Variants in SEPTIN9 observed in about 807,000 individuals in gnomAD.
SEPTIN9 encodes septin 9, also known as septin-9.
Under a neutral mutation model 56.6 loss-of-function variants are expected in SEPTIN9, and 13 were observed. The ratio of observed to expected loss-of-function variants is 0.23; its 90% CI spans 0.15 to 0.37. The LOEUF (loss-of-function observed/expected upper bound fraction) is 0.37. SEPTIN9 is among the 10% of genes least tolerant of loss of function. The pLI, the probability that SEPTIN9 is intolerant of heterozygous loss-of-function variation, is 1.00. For synonymous variants in SEPTIN9, 332 were observed against 334.1 expected (o/e 0.99, Z 0.07); for missense variants, 650 against 823.1 (o/e 0.79, Z 2.57).
rs1331084203 is a variant in SEPTIN9 at position 77,295,352 on chromosome 17, G to T, written c.20-11789G>T. On this transcript the variant is annotated intron_variant, in intron 1 of 11. Coordinates refer to ENST00000427177, the MANE Select transcript of SEPTIN9 (RefSeq NM_001113491.2). ...GTGGGGATGAGAGGGAGGAAGTCCT[G>T]TGACCAGAGTCCAGGGGCCAGAGTC... is the stretch of plus-strand genomic sequence containing the variant. 2.0e-5 allele frequency among the ~76,000 whole-genome samples: 3 copies of T among 152,238 alleles called. No homozygotes were observed. In the East Asian group the frequency reaches 5.8e-4, roughly 29 times the overall value.
intron 3 of SEPTIN9, among the ~76,000 whole-genome samples, chr17:77,439,737 C>T (rs2037477283): frequency 6.6e-6 from 1 of 152,212 alleles, no homozygotes; most frequent in Non-Finnish European, 1.5e-5. Flanking sequence ...GTGAGTTGCT[C>T]CCCTCCTTTC....
intron 3 of SEPTIN9, among the ~76,000 whole-genome samples, chr17:77,413,345 G>T (rs2036372340): frequency 6.6e-6 from 1 of 152,006 alleles, no homozygotes; most frequent in South Asian, 2.1e-4. Flanking sequence ...TGTGAGTTTG[G>T]GAGTTTTTCT....
At chr17:77,365,498 G>A (rs1195077423) in intron 2 of SEPTIN9, among the ~76,000 whole-genome samples, 1 of 151,940 alleles carries the variant, frequency 6.6e-6, no homozygotes, top group Non-Finnish European at 1.5e-5. Flanking sequence ...TAGAATGAAT[G>A]GCATAGGTAG....
At chr17:77,478,414 C>T (rs2039310781) in intron 3 of SEPTIN9, among the ~76,000 whole-genome samples, 1 of 152,168 alleles carries the variant, frequency 6.6e-6, no homozygotes, top group South Asian at 2.1e-4. Flanking sequence ...TCTTAAAGAG[C>T]TAGAGATATT....
At chr17:77,387,108 C>T (rs1005264591) in intron 2 of SEPTIN9, among the ~76,000 whole-genome samples, 2 of 152,208 alleles carry the variant, frequency 1.3e-5, no homozygotes, top group African/African-American at 4.8e-5. Context: ...GCTGGGGCTG[C>T]TGCAACAAAG....
chr17:77,287,229 G>A (rs72880516), intron 1 of SEPTIN9, among the ~76,000 whole-genome samples: 19,515 of 152,320 alleles, frequency 0.13, 1,295 homozygotes, highest in Non-Finnish European at 0.16. Flanking sequence ...CCAGGCATGG[G>A]GATCGTGTGT....
intron 3 of SEPTIN9, among the ~76,000 whole-genome samples, chr17:77,411,385 C>G (rs552342787): frequency 1.4e-5 from 2 of 142,882 alleles, no homozygotes; most frequent in South Asian, 2.2e-4. Flanking sequence ...TAGCACGTTC[C>G]TTTTTCTTTT....
At chr17:77,484,915 G>GGT in intron 4 of SEPTIN9, among the ~76,000 whole-genome samples, 1 of 147,342 alleles carries the variant, frequency 6.8e-6, no homozygotes, top group Non-Finnish European at 1.5e-5. Context: ...TGGTGATGAT[G>GGT]GTGGTGATTG....
At chr17:77,301,555 G>A (rs1372969945) in intron 1 of SEPTIN9, among the ~76,000 whole-genome samples, 1 of 152,080 alleles carries the variant, frequency 6.6e-6, no homozygotes, top group Non-Finnish European at 1.5e-5. Flanking sequence ...TTCCTGAGTA[G>A]CTGGGATTAC....
In SEPTIN9 at chr17:77,326,786, T is replaced by C. The variant is rs927541371; in HGVS notation, c.76+19589T>C. On this transcript the variant is annotated intron_variant, in intron 2 of 11. Coordinates refer to ENST00000427177, the MANE Select transcript of SEPTIN9 (RefSeq NM_001113491.2). This position sits in a 1 kb window ranked among gnomAD's most constrained non-coding sequence, Gnocchi z 5.1. ...CAAGGTTCAGCACCACCCCGCAACC[T>C]CCAGGTAGGGGAGAGGGGCTGAAGG... Among the ~76,000 whole-genome samples, 1 of 151,966 alleles carries C rather than the reference T, an allele frequency of 6.6e-6. No individual in the cohort carries two copies. Among genetic ancestry groups the C allele is most frequent in the Non-Finnish European group, 1.5e-5 (1 of 67,976 alleles).
At chr17:77,341,792 A>AAG (rs914130005) in intron 2 of SEPTIN9, among the ~76,000 whole-genome samples, 2 of 150,148 alleles carry the variant, frequency 1.3e-5, no homozygotes, top group African/African-American at 4.9e-5. Context: ...CTCAAAAAAA[A>AAG]AAAAAAAGGG....
chr17:77,489,008 G>T (rs76907498), intron 7 of SEPTIN9, 144 bp downstream of exon 7: 4 of 1,061,290 alleles, frequency 3.8e-6, no homozygotes, highest in Non-Finnish European at 5.4e-6. Flanking sequence ...ATGAAGTTGG[G>T]GGTGTGCCAT....
chr17:77,498,548 A>T lies in SEPTIN9; in HGVS notation c.1651A>T (p.Ile551Phe). 7.0e-7 allele frequency: 1 copy of T among 1,428,828 alleles called. No homozygotes were observed. Among genetic ancestry groups the T allele is most frequent in the Non-Finnish European group, 9.5e-7 (1 of 1,056,444 alleles). The allele number at this position is 1,428,828 out of a possible 1,614,324, so 88.5% of individuals were successfully genotyped here. A position where few individuals can be genotyped will look rare whatever the true frequency, so the allele number is the denominator to read the frequency against. ...IRTHMQNIKD[I>F]TSSIHFEAYR... ...GACGCACATGCAGAACATCAAGGAC[A>T]TCACCAGCAGCATCCACTTCGAGGC... The change falls in exon 12 of 12, where the codon ATC becomes TTC. Residue 551 changes from isoleucine (I) to phenylalanine (F), a missense_variant. Around this residue, in one of 2 missense-constraint regions of SEPTIN9, gnomAD observed 333 missense variants for 494.0 expected, o/e 0.67. Transcript: ENST00000427177.
intron 2 of SEPTIN9, 33 bp downstream of exon 2, chr17:77,307,230 G>C: frequency 6.3e-7 from 1 of 1,585,924 alleles, no homozygotes; most frequent in Non-Finnish European, 8.7e-7. Context: ...GCCCCACCCA[G>C]CTCATGGGTG....
At chr17:77,439,911 G>C (rs2037482957) in intron 3 of SEPTIN9, among the ~76,000 whole-genome samples, 1 of 152,174 alleles carries the variant, frequency 6.6e-6, no homozygotes, top group South Asian at 2.1e-4. Flanking sequence ...GTCCCCATTT[G>C]TTCCACTTAC....
chr17:77,301,677 T>A (rs920656846), intron 1 of SEPTIN9, among the ~76,000 whole-genome samples: 3 of 152,164 alleles, frequency 2.0e-5, no homozygotes, highest in African/African-American at 4.8e-5. Flanking sequence ...CCTCTCAAAG[T>A]GCTGGGATTA....
At chr17:77,406,415 A>T (rs2036075927) in intron 3 of SEPTIN9, among the ~76,000 whole-genome samples, 1 of 151,368 alleles carries the variant, frequency 6.6e-6, no homozygotes, top group Non-Finnish European at 1.5e-5. Flanking sequence ...GATATAAATG[A>T]TTTGTGTATA....
intron 2 of SEPTIN9, among the ~76,000 whole-genome samples, chr17:77,325,568 T>C (rs2033102696): frequency 6.6e-6 from 1 of 152,062 alleles, no homozygotes; most frequent in Admixed American, 6.5e-5. Flanking sequence ...GCCCGGGGCG[T>C]CCTGAGGCCT....
intron 3 of SEPTIN9, among the ~76,000 whole-genome samples, chr17:77,455,272 G>A (rs977903707): frequency 3.9e-5 from 6 of 152,166 alleles, no homozygotes; most frequent in African/African-American, 1.2e-4. Context: ...TGACGTTGAT[G>A]GAGTTGCTGA....
Sources: allele counts gnomAD v4.1 joint callset (sites outside exome capture counted in the v4.1 genomes callset), GRCh38; gene constraint gnomAD v4.1.1; regional missense constraint gnomAD v4.1.1; non-coding constraint Gnocchi (gnomAD v3.1); transcripts MANE v1.5; gene names NCBI Gene and HGNC (gene_info 2026-07-23, HGNC 2026-07-21).